MUC15: variants seen among roughly 807,000 people sequenced by gnomAD.
MUC15 encodes mucin 15, cell surface associated.
MUC15 carries 23 observed loss-of-function variants against 24.0 expected under a neutral mutation model. That is an observed-to-expected ratio of 0.96 (90% CI 0.69 to 1.36). The LOEUF is 1.36. Among genes scored for constraint, MUC15 ranks in the 40% most tolerant of loss-of-function variants. The pLI is 0.00. For missense variants in MUC15, 442 were observed against 428.2 expected (o/e 1.03, Z -0.29); for synonymous variants, 151 against 156.3 (o/e 0.97, Z 0.25).
In MUC15 at chr11:26,567,236, TA is replaced by T. The variant is rs553567756; in HGVS notation, c.-45-98del. On this transcript the variant is annotated intron_variant, in intron 1 of 4. Transcript: ENST00000529533. ...AGTGCTTTTAATGGAAAATTTACTT[TA>T]AAAAAATAGACTTTTTTTTCCTCAA... The T allele has an allele frequency of 1.6e-4, 120 of 758,844 alleles. No homozygotes were observed. In the African/African-American group the frequency reaches 1.9e-3, roughly 12 times the overall value. 47.0% of individuals were successfully genotyped at this position (758,844 alleles called of 1,614,324 possible).
intron 4 of MUC15, among the ~76,000 whole-genome samples, chr11:26,562,324 T>A (rs1208014969): frequency 1.3e-5 from 2 of 151,558 alleles, no homozygotes; most frequent in Non-Finnish European, 3.0e-5. Flanking sequence ...TCTGAACTCA[T>A]CAAAACTCAA....
At chr11:26,562,966 G>A (rs1263413211) in intron 4 of MUC15, 150 bp downstream of exon 4, 7 of 1,141,136 alleles carry the variant, frequency 6.1e-6, no homozygotes, top group Non-Finnish European at 5.7e-6. Context: ...TTTGTTCTTT[G>A]ATAAACAGAA....
intron 1 of MUC15, 55 bp downstream of exon 1, chr11:26,571,986 A>T: frequency 1.6e-6 from 1 of 625,226 alleles, no homozygotes; most frequent in Non-Finnish European, 2.0e-6. Flanking sequence ...GAAGAGAGAG[A>T]GTAGAGAGTG....
intron 1 of MUC15, 31 bp from the exon 2 acceptor site, chr11:26,567,170 C>T: frequency 3.1e-6 from 4 of 1,311,192 alleles, no homozygotes; most frequent in Non-Finnish European, 4.0e-6. Flanking sequence ...TATTTAAAGC[C>T]AAGTCAACTG....
At position 26,565,189 on chromosome 11, in the gene MUC15, G is replaced by T; in HGVS notation, c.751C>A (p.Pro251Thr). 6.6e-7 allele frequency: 1 copy of T among 1,505,958 alleles called. No homozygotes were observed. Among genetic ancestry groups the T allele is most frequent in the Non-Finnish European group, 8.9e-7 (1 of 1,127,540 alleles). 93.3% of individuals were successfully genotyped at this position (1,505,958 alleles called of 1,614,324 possible). The change falls in exon 3 of 5, where the codon CCA (proline) becomes ACA (threonine). Residue 251 changes from proline to threonine, a missense_variant. Pro to Thr is a conservative substitution (Grantham distance 38). Transcript: ENST00000529533. Reference protein sequence around the residue: ...LKFTNNSKLFPNTSDPQKENR... With the variant: ...LKFTNNSKLFTNTSDPQKENR... ...CCTTTTTGGGGATCTGACGTATTTGGAAAGAGTTTTGAATTATTGGTGAAT... is the reference window on the plus strand; with the variant it reads ...CCTTTTTGGGGATCTGACGTATTTGTAAAGAGTTTTGAATTATTGGTGAAT...
chr11:26,570,339 T>C (rs1431279498), intron 1 of MUC15, among the ~76,000 whole-genome samples: 4 of 152,022 alleles, frequency 2.6e-5, no homozygotes, highest in Non-Finnish European at 5.9e-5. Flanking sequence ...CTCTGGCCAG[T>C]AAGGGAAGCA....
Position 26,565,443 on chromosome 11 carries a change from T to C in MUC15, c.497A>G (p.Asn166Ser), listed in dbSNP as rs72877805. ...EDLLPISAHPNATPALSSENF... is the reference protein window; with the variant it reads ...EDLLPISAHPSATPALSSENF... ...TTCTGAAGACAGAGCAGGTGTAGCATTGGGATGTGCTGAGATGGGCAAAAG... is the reference window on the plus strand; with the variant it reads ...TTCTGAAGACAGAGCAGGTGTAGCACTGGGATGTGCTGAGATGGGCAAAAG... The change falls in exon 3 of 5, where the codon AAT becomes AGT. Residue 166 changes from asparagine (N) to serine (S), a missense_variant. Coordinates refer to ENST00000529533, the MANE Select transcript of MUC15 (RefSeq NM_001135091.2). 851 of 1,613,260 alleles carry C rather than the reference T, an allele frequency of 5.3e-4. No individual in the cohort carries two copies. Among genetic ancestry groups the C allele is most frequent in the Non-Finnish European group, 6.9e-4 (813 of 1,179,490 alleles).
chr11:26,571,585 TTCTAATACTTAAAGCAAAAACC>T (rs924020744), intron 1 of MUC15, among the ~76,000 whole-genome samples: 9 of 152,112 alleles, frequency 5.9e-5, no homozygotes, highest in African/African-American at 1.7e-4. Flanking sequence ...TCCAAAACTA[TTCTAATACTTAAAGCAAAAACC>T]TCTAATACTT....
In MUC15 at chr11:26,559,690, A is replaced by G; in HGVS notation, c.*1375T>C. Reference sequence around the variant, plus strand: ...TGGCTTATTATAATCAATTTGCATGACTAATATTTCTGTTTGTTTTCTACT... The same window carrying G: ...TGGCTTATTATAATCAATTTGCATGGCTAATATTTCTGTTTGTTTTCTACT... On this transcript the variant is annotated 3_prime_UTR_variant, in exon 5 of 5. Coordinates refer to ENST00000529533, the MANE Select transcript of MUC15 (RefSeq NM_001135091.2). The G allele has an allele frequency of 6.5e-7, 1 of 1,534,872 alleles. No homozygotes were observed. Among genetic ancestry groups the G allele is most frequent in the Non-Finnish European group, 9.0e-7 (1 of 1,108,460 alleles).
chr11:26,572,250 CA>C lies in MUC15; in HGVS notation c.-256del. 3 of 985,332 alleles carry C rather than the reference CA, an allele frequency of 3.0e-6. No individual in the cohort carries two copies. The highest frequency in any genetic ancestry group is 3.6e-6 in the Non-Finnish European group (3 of 829,930). 61.0% of individuals were successfully genotyped at this position (985,332 alleles called of 1,614,324 possible). A position where few individuals can be genotyped will look rare whatever the true frequency, so the allele number is the denominator to read the frequency against. On this transcript the variant is annotated 5_prime_UTR_variant, in exon 1 of 5. The change creates a premature stop within an existing upstream ORF in the 5' untranslated region. Coordinates refer to ENST00000529533, the MANE Select transcript of MUC15 (RefSeq NM_001135091.2). ...CCAGGAACCTGACTGACCTGCTTCT[CA>C]GCTGTAAGCATTAAGATATCACCTC... is the stretch of plus-strand genomic sequence containing the variant.
rs377613243 is a variant in MUC15 at position 26,560,293 on chromosome 11, CT to C, written c.*771del. 501 of 147,430 alleles carry C rather than the reference CT, an allele frequency of 3.4e-3. No homozygotes were observed. Among genetic ancestry groups the C allele is most frequent in the Non-Finnish European group, 5.5e-3 (368 of 66,380 alleles). The allele number at this position is 147,430 out of a possible 1,614,324, so 9.1% of individuals were successfully genotyped here. ...ATGTACAGGTATATTCTTTGGTTAA[CT>C]TTTTTTTTTTACCATGATTCTCATT... On this transcript the variant is annotated 3_prime_UTR_variant, in exon 5 of 5. Transcript: ENST00000529533.
At chr11:26,564,732 C>CACATATATAT (rs1565108986) in intron 3 of MUC15, among the ~76,000 whole-genome samples, 1 of 25,414 alleles carries the variant, frequency 3.9e-5, no homozygotes, top group Non-Finnish European at 7.2e-5. Context: ...CACACACACA[C>CACATATATAT]ATATATATAT....
At chr11:26,569,160 G>A (rs772003483) in intron 1 of MUC15, among the ~76,000 whole-genome samples, 4 of 151,986 alleles carry the variant, frequency 2.6e-5, no homozygotes, top group African/African-American at 4.8e-5. Flanking sequence ...CCTTGCCTGT[G>A]ACATTGAACC....
chr11:26,567,027 C>T (rs967819592), intron 2 of MUC15, 25 bp downstream of exon 2: 55 of 1,455,536 alleles, frequency 3.8e-5, no homozygotes, highest in Non-Finnish European at 4.6e-5. Context: ...ACAAAGTTTA[C>T]AGTATCATCT....
intron 1 of MUC15, among the ~76,000 whole-genome samples, 189 bp from the exon 2 acceptor site, chr11:26,567,328 A>C (rs1009477024): frequency 2.0e-5 from 3 of 151,938 alleles, no homozygotes; most frequent in Non-Finnish European, 4.4e-5. Flanking sequence ...GAAAGCCTCC[A>C]TGCTGACTGA....
chr11:26,565,105 C>G, intron 3 of MUC15, 60 bp downstream of exon 3: 1 of 1,459,726 alleles, frequency 6.9e-7, no homozygotes. Context: ...ACTTACTCTG[C>G]ATGACTTATT....
At chr11:26,569,133 C>T (rs1233152379) in intron 1 of MUC15, among the ~76,000 whole-genome samples, 2 of 152,130 alleles carry the variant, frequency 1.3e-5, no homozygotes, top group South Asian at 4.1e-4. Flanking sequence ...AAAGTGAATT[C>T]TGTTGTTCCT....
chr11:26,562,803 G>T (rs1164225611), intron 4 of MUC15, among the ~76,000 whole-genome samples: 2 of 151,694 alleles, frequency 1.3e-5, no homozygotes, highest in Non-Finnish European at 2.9e-5. Context: ...TAACAAAACT[G>T]GTCATTTTTT....
intron 1 of MUC15, among the ~76,000 whole-genome samples, chr11:26,571,316 G>C (rs148332546): frequency 1.4e-4 from 22 of 152,172 alleles, no homozygotes; most frequent in African/African-American, 4.3e-4. Context: ...ATGGAAATCA[G>C]CATCCTTTTA....
Sources: allele counts gnomAD v4.1 joint callset (sites outside exome capture counted in the v4.1 genomes callset), GRCh38; gene constraint gnomAD v4.1.1; transcripts MANE v1.5; gene names NCBI Gene and HGNC (gene_info 2026-07-23, HGNC 2026-07-21).